The following SCN2A variants were observed in gnomAD, a reference collection of about 807,000 sequenced individuals.
SCN2A encodes the protein sodium voltage-gated channel alpha subunit 2, also known as sodium channel protein type 2 subunit alpha.
SCN2A carries 20 observed loss-of-function variants against 188.7 expected under a neutral mutation model. That is an observed-to-expected ratio of 0.11 (90% confidence interval 0.07 to 0.15). SCN2A has a LOEUF of 0.15. Ranked by LOEUF, SCN2A falls within the 10% of genes least tolerant of loss-of-function variation. The pLI is 1.00. For synonymous variants in SCN2A, 804 were observed against 833.1 expected (o/e 0.97, Z 0.60); for missense variants, 1,278 against 2,445.0 (o/e 0.52, Z 10.07).
intron 1 of SCN2A, among the ~76,000 whole-genome samples, chr2:165,291,538 TTCCTTCC>T (rs1559340619): frequency 4.9e-4 from 32 of 65,282 alleles, no homozygotes; most frequent in Non-Finnish European, 1.2e-3. Context: ...CCTTCCTTCC[TTCCTTCC>T]TTCCTTCCTT....
chr2:165,255,704 AG>A (rs1694284801), intron 1 of SCN2A, among the ~76,000 whole-genome samples: 1 of 152,156 alleles, frequency 6.6e-6, no homozygotes, highest in South Asian at 2.1e-4. Flanking sequence ...CTCTTCATGA[AG>A]GAGATATTGA....
chr2:165,368,694 T>C (rs1574701000), intron 19 of SCN2A, among the ~76,000 whole-genome samples: 1 of 152,210 alleles, frequency 6.6e-6, no homozygotes, highest in East Asian at 1.9e-4. Flanking sequence ...AATATTAATA[T>C]AATGAAAATG....
chr2:165,268,269 T>C (rs1260508537), intron 1 of SCN2A: 1 of 151,854 alleles, frequency 6.6e-6, no homozygotes, highest in East Asian at 1.9e-4. Flanking sequence ...CTGATGAACA[T>C]AGATGCAAAA....
At chr2:165,240,921 A>G (rs1693591928) in intron 1 of SCN2A, 1 of 152,194 alleles carries the variant, frequency 6.6e-6, no homozygotes, top group African/African-American at 2.4e-5. Context: ...TTTTAGAATT[A>G]CAGATATTTA....
intron 1 of SCN2A, among the ~76,000 whole-genome samples, chr2:165,284,848 TG>T (rs1695759951): frequency 6.6e-6 from 1 of 152,230 alleles, no homozygotes; most frequent in Admixed American, 6.5e-5. Flanking sequence ...GTGGCCTTCC[TG>T]CTGATGAGCC....
intron 17 of SCN2A, among the ~76,000 whole-genome samples, chr2:165,363,770 T>C (rs1529668): frequency 6.6e-6 from 1 of 152,038 alleles, no homozygotes; most frequent in Non-Finnish European, 1.5e-5. Flanking sequence ...AAGCACCTTA[T>C]AATATATAAT....
chr2:165,257,395 C>A (rs1694374362), intron 1 of SCN2A, among the ~76,000 whole-genome samples: 1 of 152,166 alleles, frequency 6.6e-6, no homozygotes, highest in South Asian at 2.1e-4. Context: ...CAAAGTGAAT[C>A]ACATGATTTT....
intron 16 of SCN2A, among the ~76,000 whole-genome samples, chr2:165,348,342 G>C (rs913751952): frequency 7.4e-6 from 1 of 135,564 alleles, no homozygotes; most frequent in Admixed American, 8.2e-5. Context: ...CTGGGTGAAA[G>C]AGCGAGACTC....
At chr2:165,291,628 A>C in intron 1 of SCN2A, among the ~76,000 whole-genome samples, 1 of 127,192 alleles carries the variant, frequency 7.9e-6, no homozygotes, top group Non-Finnish European at 1.6e-5. Context: ...TCTATCTCCC[A>C]GGCTGGAGTG....
At chr2:165,335,986 A>G (rs1446408063) in intron 14 of SCN2A, among the ~76,000 whole-genome samples, 1 of 151,952 alleles carries the variant, frequency 6.6e-6, no homozygotes, top group African/African-American at 2.4e-5. Context: ...CAATAAGCAC[A>G]TAAAAGATGG....
chr2:165,244,457 C>T (rs17182784), intron 1 of SCN2A, among the ~76,000 whole-genome samples: 29,351 of 151,710 alleles, frequency 0.19, 3,403 homozygotes, highest in Non-Finnish European at 0.25. Flanking sequence ...CAGTCAAAAC[C>T]TTTATGTGGA....
At chr2:165,285,869 A>T (rs951606798) in intron 1 of SCN2A, 5 of 197,224 alleles carry the variant, frequency 2.5e-5, no homozygotes, top group Admixed American at 2.5e-4. Context: ...TTGGCATTGA[A>T]GCCTTGGAGA....
chr2:165,377,687 A>C, intron 23 of SCN2A, 37 bp downstream of exon 23: 2 of 1,508,782 alleles, frequency 1.3e-6, no homozygotes, highest in South Asian at 2.3e-5. Flanking sequence ...TAGTTTGATT[A>C]AATGTATATT....
At chr2:165,294,081 C>A in intron 1 of SCN2A, 3 of 873,450 alleles carry the variant, frequency 3.4e-6, no homozygotes, top group Non-Finnish European at 4.0e-6. Flanking sequence ...TAGCTGCAGT[C>A]TTCTTGGTGC....
intron 16 of SCN2A, 25 bp from the exon 17 acceptor site, chr2:165,354,167 A>C (rs1367422854): frequency 6.2e-7 from 1 of 1,612,912 alleles, no homozygotes; most frequent in East Asian, 2.2e-5. Flanking sequence ...TGTTTTGATC[A>C]CCTGTTTTTC....
intron 17 of SCN2A, among the ~76,000 whole-genome samples, chr2:165,357,468 CAG>C (rs1700238272): frequency 2.0e-5 from 3 of 152,096 alleles, no homozygotes; most frequent in Non-Finnish European, 4.4e-5. Context: ...TGAGTGGACT[CAG>C]AGGTTTTTTA....
At chr2:165,315,876 A>C in intron 11 of SCN2A, 118 bp downstream of exon 11, 1 of 1,167,356 alleles carries the variant, frequency 8.6e-7, no homozygotes, top group Non-Finnish European at 1.2e-6. Context: ...CAGAGTAGTG[A>C]TGATTATCAA....
intron 20 of SCN2A, chr2:165,371,687 G>C (rs766351299): frequency 6.6e-5 from 10 of 152,162 alleles, no homozygotes; most frequent in Admixed American, 1.3e-4. Context: ...AGATAAGTTA[G>C]AAAAGATCTG....
intron 12 of SCN2A, among the ~76,000 whole-genome samples, chr2:165,326,212 C>T (rs1344409385): frequency 4.6e-5 from 7 of 152,122 alleles, no homozygotes; most frequent in African/African-American, 1.7e-4. Context: ...CACAGTCCCC[C>T]ACATTGGTAT....
Sources: gnomAD v4.1 joint callset for allele counts (sites outside exome capture counted in the v4.1 genomes callset) on GRCh38, gnomAD v4.1.1 for gene constraint, MANE v1.5 for transcripts, NCBI Gene and HGNC (gene_info 2026-07-23, HGNC 2026-07-21) for gene names.